Variants in NRF1 observed in about 807,000 individuals in gnomAD.
NRF1 encodes nuclear respiratory factor 1.
Under a neutral mutation model 58.5 loss-of-function variants are expected in NRF1, and 5 were observed. The observed-to-expected ratio is 0.09, with a 90% CI of 0.04 to 0.18. NRF1 has a LOEUF of 0.18. Among genes scored for constraint, NRF1 ranks in the 10% least tolerant of loss-of-function variants. The probability of loss-of-function intolerance (pLI) is 1.00; values close to 1 mark genes in which losing one functional copy is unlikely to be tolerated. For missense variants in NRF1, 288 were observed against 657.7 expected (o/e 0.44, Z 6.15); for synonymous variants, 224 against 246.7 (o/e 0.91, Z 0.86).
chr7:129,657,606 A>AATTTTTT, intron 2 of NRF1, 32 bp downstream of exon 2: 1 of 1,210,458 alleles, frequency 8.3e-7, no homozygotes, highest in Non-Finnish European at 1.1e-6. Context: ...GCTCTTCTTT[A>AATTTTTT]ATTTTTTTTT....
intron 10 of NRF1, among the ~76,000 whole-genome samples, chr7:129,747,580 A>G (rs1232515783): frequency 6.6e-6 from 1 of 152,202 alleles, no homozygotes; most frequent in Admixed American, 6.5e-5. Flanking sequence ...CAAGCACTGT[A>G]ATAGATTTTA....
intron 2 of NRF1, among the ~76,000 whole-genome samples, chr7:129,664,596 GCATCTTGA>G (rs1361207983): frequency 6.6e-6 from 1 of 152,214 alleles, no homozygotes; most frequent in East Asian, 1.9e-4. Context: ...CCAGCAGAGG[GCATCTTGA>G]CATAATGAAT....
At chr7:129,733,955 C>T (rs912698773) in intron 10 of NRF1, among the ~76,000 whole-genome samples, 10 of 151,340 alleles carry the variant, frequency 6.6e-5, no homozygotes, top group African/African-American at 2.4e-4. Context: ...CCCAGGAGGT[C>T]GAGGCTGCAG....
At chr7:129,720,828 G>A (rs1459102585) in intron 9 of NRF1, among the ~76,000 whole-genome samples, 3 of 151,954 alleles carry the variant, frequency 2.0e-5, no homozygotes, top group Non-Finnish European at 4.4e-5. Context: ...ACCCAAAGTG[G>A]GTATGGAGAA....
chr7:129,707,585 G>T (rs1802981151), intron 5 of NRF1, among the ~76,000 whole-genome samples: 1 of 152,162 alleles, frequency 6.6e-6, no homozygotes, highest in South Asian at 2.1e-4. Context: ...AGGGAAAAAT[G>T]ACTTTGAGAT....
chr7:129,663,011 G>A (rs1047398681), intron 2 of NRF1, among the ~76,000 whole-genome samples: 3 of 152,164 alleles, frequency 2.0e-5, no homozygotes, highest in Non-Finnish European at 2.9e-5. Flanking sequence ...ATCTTGCACC[G>A]CCCTTAATCC....
chr7:129,710,688 C>T (rs1803052536), intron 7 of NRF1, 117 bp downstream of exon 7: 1 of 657,396 alleles, frequency 1.5e-6, no homozygotes, highest in Admixed American at 2.5e-5. Flanking sequence ...TATATAGCTC[C>T]CCAAGATCTT....
intron 9 of NRF1, among the ~76,000 whole-genome samples, chr7:129,719,826 C>T (rs1803279537): frequency 6.6e-6 from 1 of 152,174 alleles, no homozygotes; most frequent in Admixed American, 6.5e-5. Context: ...CCATTCTCCG[C>T]CCGACTGTAG....
intron 9 of NRF1, among the ~76,000 whole-genome samples, chr7:129,721,633 C>T (rs1363315869): frequency 3.0e-4 from 45 of 151,964 alleles, no homozygotes; most frequent in Admixed American, 2.9e-3. Context: ...AGGCGCCCAC[C>T]ACCACGCCCA....
intron 8 of NRF1, among the ~76,000 whole-genome samples, chr7:129,715,776 A>G (rs985933172): frequency 6.6e-6 from 1 of 152,136 alleles, no homozygotes; most frequent in Non-Finnish European, 1.5e-5. Flanking sequence ...AGGCGGAGGC[A>G]GGTGGATCAC....
intron 10 of NRF1, among the ~76,000 whole-genome samples, chr7:129,729,828 C>A (rs1224493093): frequency 6.6e-6 from 1 of 151,948 alleles, no homozygotes; most frequent in Non-Finnish European, 1.5e-5. Context: ...GAGTTTGTTG[C>A]TTCTTTTTGT....
At chr7:129,617,369 A>C (rs779484809) in intron 1 of NRF1, among the ~76,000 whole-genome samples, 3 of 152,154 alleles carry the variant, frequency 2.0e-5, no homozygotes, top group Non-Finnish European at 4.4e-5. Flanking sequence ...GAAATGAGGA[A>C]ATGTCCCAAT....
chr7:129,737,766 TTAAA>T (rs570854064), intron 10 of NRF1, among the ~76,000 whole-genome samples: 1 of 152,264 alleles, frequency 6.6e-6, no homozygotes, highest in Non-Finnish European at 1.5e-5. Context: ...AATGAATGTA[TTAAA>T]TAGTCTTAGT....
intron 9 of NRF1, among the ~76,000 whole-genome samples, chr7:129,720,664 G>A (rs1394269588): frequency 6.6e-6 from 1 of 152,126 alleles, no homozygotes; most frequent in East Asian, 1.9e-4. Context: ...GAATAAGGAG[G>A]CAGAGGGGCT....
chr7:129,687,084 C>T (rs1802458849), intron 4 of NRF1, among the ~76,000 whole-genome samples: 1 of 152,038 alleles, frequency 6.6e-6, no homozygotes. Context: ...ATAAGGTATT[C>T]CTAAAACTTC....
chr7:129,619,490 G>GTGTGTGTGTATA (rs1422472177), intron 1 of NRF1, among the ~76,000 whole-genome samples: 3 of 48,622 alleles, frequency 6.2e-5, no homozygotes, highest in African/African-American at 2.0e-4. Flanking sequence ...GTGTGTGTGT[G>GTGTGTGTGTATA]TATATATATA....
chr7:129,642,656 C>T (rs138247209), intron 1 of NRF1, among the ~76,000 whole-genome samples: 1 of 151,928 alleles, frequency 6.6e-6, no homozygotes, highest in Admixed American at 6.6e-5. Flanking sequence ...ATGTAGCTAT[C>T]TCAGGTTACA....
intron 8 of NRF1, 61 bp downstream of exon 8, chr7:129,711,637 A>C: frequency 7.5e-7 from 1 of 1,332,368 alleles, no homozygotes; most frequent in Non-Finnish European, 1.1e-6. Flanking sequence ...AGGGAAAAGC[A>C]AGGGTCCAGA....
chr7:129,724,466 A>G (rs946365838), intron 9 of NRF1, among the ~76,000 whole-genome samples: 1 of 152,266 alleles, frequency 6.6e-6, no homozygotes, highest in Non-Finnish European at 1.5e-5. Context: ...GTGGAAAACA[A>G]TATGATAATT....
Sources: allele counts gnomAD v4.1 joint callset (sites outside exome capture counted in the v4.1 genomes callset), GRCh38; gene constraint gnomAD v4.1.1; transcripts MANE v1.5; gene names NCBI Gene and HGNC (gene_info 2026-07-23, HGNC 2026-07-21).